The following MYT1L variants were observed in gnomAD, a reference collection of about 807,000 sequenced individuals.
The protein encoded by MYT1L is myelin transcription factor 1-like protein.
MYT1L carries 12 observed loss-of-function variants against 126.7 expected under a neutral mutation model. That is an observed-to-expected ratio of 0.09 (90% CI 0.06 to 0.15). MYT1L has a LOEUF of 0.15. MYT1L is among the 10% of genes least tolerant of loss of function. The pLI, the probability that MYT1L is intolerant of heterozygous loss-of-function variation, is 1.00. For synonymous variants in MYT1L, 541 were observed against 604.2 expected (o/e 0.90, Z 1.53); for missense variants, 979 against 1,585.2 (o/e 0.62, Z 6.49).
At chr2:2,175,658 C>T (rs2090656225) in intron 2 of MYT1L, among the ~76,000 whole-genome samples, 2 of 152,198 alleles carry the variant, frequency 1.3e-5, no homozygotes, top group South Asian at 2.1e-4. Flanking sequence ...CAAGGATGCC[C>T]GAGCCTGGTT....
intron 19 of MYT1L, chr2:1,841,127 G>T (rs545493620): frequency 4.3e-6 from 1 of 232,232 alleles, no homozygotes; most frequent in Non-Finnish European, 8.1e-6. Context: ...GGATGGTCTC[G>T]ATCTCCTGAC....
chr2:2,175,384 G>T lies in MYT1L; in HGVS notation c.-420-2396C>A, dbSNP rs151207599. Among the ~76,000 whole-genome samples, 13 of 152,184 alleles carry T rather than the reference G, an allele frequency of 8.5e-5. No individual in the cohort carries two copies. In the East Asian group the frequency reaches 2.5e-3, roughly 29 times the overall value. On this transcript the variant is annotated intron_variant, in intron 2 of 24. Transcript: ENST00000647738. The stretch of plus-strand genomic sequence containing the variant: ...AAGTGTTGCTGAAACGGCAGTGCCT[G>T]TGCCTGTCTGGTAACCTGAATCACA...
At chr2:2,208,450 A>T (rs577448178) in intron 2 of MYT1L, among the ~76,000 whole-genome samples, 163 of 152,254 alleles carry the variant, frequency 1.1e-3, no homozygotes, top group African/African-American at 3.5e-3. Context: ...CTCATGTGCA[A>T]GCAGGTGCAG....
intron 2 of MYT1L, among the ~76,000 whole-genome samples, chr2:2,219,708 C>A (rs981641620): frequency 5.3e-5 from 8 of 152,302 alleles, no homozygotes; most frequent in Non-Finnish European, 1.0e-4. Context: ...AAGTTGCTAG[C>A]CAGTCAGGAC....
intron 8 of MYT1L, among the ~76,000 whole-genome samples, chr2:1,947,484 T>C (rs894853258): frequency 6.6e-5 from 10 of 152,164 alleles, no homozygotes; most frequent in African/African-American, 2.4e-4. Context: ...GGCATTGCTG[T>C]GGTGGGTGTC....
At chr2:1,952,640 C>T (rs2057863079) in intron 8 of MYT1L, among the ~76,000 whole-genome samples, 3 of 151,116 alleles carry the variant, frequency 2.0e-5, no homozygotes, top group East Asian at 2.0e-4. Flanking sequence ...CCTTGTGTGC[C>T]ACGGCACACC....
chr2:2,214,587 G>T (rs750000602), intron 2 of MYT1L, among the ~76,000 whole-genome samples: 5 of 152,108 alleles, frequency 3.3e-5, no homozygotes, highest in African/African-American at 1.2e-4. Context: ...AAGAGGAAAA[G>T]AAATCCCCTT....
intron 18 of MYT1L, among the ~76,000 whole-genome samples, chr2:1,876,086 T>C (rs1317694262): frequency 6.6e-6 from 1 of 152,232 alleles, no homozygotes; most frequent in Non-Finnish European, 1.5e-5. Context: ...GAAAGTCTCT[T>C]TGGCCGCCTG....
intron 18 of MYT1L, among the ~76,000 whole-genome samples, chr2:1,876,457 C>G (rs2046923073): frequency 6.6e-6 from 1 of 152,110 alleles, no homozygotes; most frequent in Admixed American, 6.5e-5. Flanking sequence ...CTCCTCCACT[C>G]TCCACACAGC....
chr2:2,215,045 G>A lies in MYT1L; in HGVS notation c.-420-42057C>T, dbSNP rs112705468. 3.6e-3 allele frequency among the ~76,000 whole-genome samples: 546 copies of A among 152,134 alleles called. 4 individuals are homozygous for A. The highest frequency in any genetic ancestry group is 0.013 in the African/African-American group (522 of 41,514). On this transcript the variant is annotated intron_variant, in intron 2 of 24. Transcript: ENST00000647738. ...AAGATGTATTTTACACATCCAAAGC[G>A]ATGACTAAGATAATAGCAATTATAA...
Position 1,979,337 on chromosome 2 carries a change from C to A in MYT1L, c.90-110G>T. 1 of 1,162,044 alleles carries A rather than the reference C, an allele frequency of 8.6e-7. No homozygotes were observed. Among genetic ancestry groups the A allele is most frequent in the Non-Finnish European group, 1.3e-6 (1 of 790,628 alleles). 72.0% of individuals were successfully genotyped at this position (1,162,044 alleles called of 1,614,324 possible). On this transcript the variant is annotated intron_variant, in intron 7 of 24. Transcript: ENST00000647738. This position sits in a 1 kb window ranked among gnomAD's most constrained non-coding sequence, Gnocchi z 4.0. ...CGGCTCAGACAGAGGAGAGAAATCA[C>A]ACAATCCAAAGGAGGGGGAAATTCG...
rs902333705 is a variant in MYT1L, at chr2:2,189,367, G to A, written c.-420-16379C>T. Among the ~76,000 whole-genome samples, 5 of 152,130 alleles carry A rather than the reference G, an allele frequency of 3.3e-5. No homozygotes were observed. The East Asian group carries it at 9.6e-4, about 29-fold the overall frequency. ...TCCCTCATGCAACTACATCATCTGT[G>A]GGGTTGGATTATCTTCAAATGCTTC... On this transcript the variant is annotated intron_variant, in intron 2 of 24. Coordinates refer to ENST00000647738, the MANE Select transcript of MYT1L (RefSeq NM_001303052.2).
intron 1 of MYT1L, among the ~76,000 whole-genome samples, chr2:2,308,320 T>G (rs1234927581): frequency 1.3e-5 from 2 of 151,890 alleles, no homozygotes; most frequent in East Asian, 3.9e-4. Flanking sequence ...CTACCCATAC[T>G]CCACCTACAC....
chr2:2,295,885 T>G (rs2095685171), intron 1 of MYT1L, among the ~76,000 whole-genome samples: 2 of 124,974 alleles, frequency 1.6e-5, no homozygotes, highest in African/African-American at 3.2e-5. Context: ...GGCAGAGGAA[T>G]AAAAGCAGAG....
At chr2:2,188,044 T>C (rs2092334816) in intron 2 of MYT1L, among the ~76,000 whole-genome samples, 1 of 152,162 alleles carries the variant, frequency 6.6e-6, no homozygotes, top group African/African-American at 2.4e-5. Context: ...ATTGGCATAA[T>C]AACACTTAAT....
intron 3 of MYT1L, among the ~76,000 whole-genome samples, chr2:2,157,440 T>C (rs2086914343): frequency 6.6e-6 from 1 of 152,212 alleles, no homozygotes; most frequent in South Asian, 2.1e-4. Flanking sequence ...AGATTTTTTG[T>C]CACTTTTAGG....
At chr2:1,849,154 CA>C (rs11332745) in intron 19 of MYT1L, among the ~76,000 whole-genome samples, 97,971 of 145,456 alleles carry the variant, frequency 0.67, 32,996 homozygotes, top group Middle Eastern at 0.8. Flanking sequence ...CAACTCCCAC[CA>C]AAAAAAAAAA....
At chr2:1,808,824 T>C (rs1472727397) in intron 22 of MYT1L, among the ~76,000 whole-genome samples, 3 of 152,102 alleles carry the variant, frequency 2.0e-5, no homozygotes, top group Non-Finnish European at 4.4e-5. Flanking sequence ...AATCGTCCAG[T>C]GCTGGAGAGA....
chr2:2,074,981 A>G (rs1394846092), intron 3 of MYT1L, among the ~76,000 whole-genome samples: 14 of 152,170 alleles, frequency 9.2e-5, no homozygotes, highest in Admixed American at 9.2e-4. Context: ...ACGAATCACA[A>G]CCTTACACAT....
Sources: allele counts gnomAD v4.1 joint callset (sites outside exome capture counted in the v4.1 genomes callset), GRCh38; gene constraint gnomAD v4.1.1; non-coding constraint Gnocchi (gnomAD v3.1); transcripts MANE v1.5; gene names NCBI Gene and HGNC (gene_info 2026-07-23, HGNC 2026-07-21).